Variants in PTPRM observed in about 807,000 individuals in gnomAD.
PTPRM encodes the protein protein tyrosine phosphatase receptor type M, also known as receptor-type tyrosine-protein phosphatase mu.
Under a neutral mutation model 186.7 loss-of-function variants are expected in PTPRM, and 47 were observed. That is an observed-to-expected ratio of 0.25 (90% CI 0.20 to 0.32). PTPRM has a LOEUF of 0.32. Ranked by LOEUF, PTPRM falls within the 10% of genes least tolerant of loss-of-function variation. The probability of loss-of-function intolerance (pLI) is 1.00; values close to 1 mark genes in which losing one functional copy is unlikely to be tolerated. For missense variants in PTPRM, 1,494 were observed against 1,865.0 expected, an observed-to-expected ratio of 0.80 and a Z score of 3.66; for synonymous variants, 668 against 674.9, an observed-to-expected ratio of 0.99 and a Z score of 0.16.
At chr18:8,127,558 G>A (rs512522) in intron 13 of PTPRM, among the ~76,000 whole-genome samples, 104,859 of 151,808 alleles carry the variant, frequency 0.69, 37,994 homozygotes, top group East Asian at 0.89. Flanking sequence ...CTGCAGTCAG[G>A]GTGAATGTGG....
chr18:7,597,034 T>C (rs1027880339), intron 1 of PTPRM, among the ~76,000 whole-genome samples: 1 of 152,146 alleles, frequency 6.6e-6, no homozygotes, highest in African/African-American at 2.4e-5. Flanking sequence ...TTGTATTTTT[T>C]AGTAGAGACT....
At chr18:8,091,254 C>A (rs143911569) in intron 11 of PTPRM, among the ~76,000 whole-genome samples, 1 of 152,152 alleles carries the variant, frequency 6.6e-6, no homozygotes, top group East Asian at 1.9e-4. Flanking sequence ...CATAACATCC[C>A]GGTTTCCAAG....
intron 7 of PTPRM, among the ~76,000 whole-genome samples, chr18:8,059,510 A>C (rs1355558832): frequency 3.3e-4 from 7 of 21,410 alleles, no homozygotes; most frequent in African/African-American, 1.1e-3. Context: ...GAGCGGTGAG[A>C]GAGGGCATCC....
intron 1 of PTPRM, among the ~76,000 whole-genome samples, chr18:7,712,191 A>G (rs546156206): frequency 6.6e-6 from 1 of 152,310 alleles, no homozygotes; most frequent in Non-Finnish European, 1.5e-5. Context: ...ACTGTTCCGT[A>G]GCCTCTGCTG....
intron 13 of PTPRM, among the ~76,000 whole-genome samples, chr18:8,120,828 C>T (rs1312406037): frequency 6.6e-6 from 1 of 152,060 alleles, no homozygotes; most frequent in Non-Finnish European, 1.5e-5. Flanking sequence ...TTTCATTTTT[C>T]TCAAAAGGAG....
chr18:7,615,182 C>T (rs1280358003), intron 1 of PTPRM, among the ~76,000 whole-genome samples: 2 of 152,050 alleles, frequency 1.3e-5, no homozygotes, highest in African/African-American at 4.8e-5. Flanking sequence ...AAACAAAAAC[C>T]TCATCATTTA....
In PTPRM at chr18:8,126,019, A is replaced by ATTTT. The variant is rs1446326423; in HGVS notation, c.2167+11193_2167+11194insTTTT. The stretch of plus-strand genomic sequence containing the variant: ...TATATATATATATATATATATATAT[A>ATTTT]TATATATATTTTAAATCAGTAGACC... On this transcript the variant is annotated intron_variant, in intron 13 of 32. Coordinates refer to ENST00000580170, the MANE Select transcript of PTPRM (RefSeq NM_001105244.2). Among the ~76,000 whole-genome samples, 92 of 31,864 alleles carry ATTTT rather than the reference A, an allele frequency of 2.9e-3. 5 individuals carry two copies. Among genetic ancestry groups the ATTTT allele is most frequent in the South Asian group, 6.7e-3 (5 of 750 alleles). 20.9% of individuals were successfully genotyped at this position (31,864 alleles called of 152,430 possible). A position where few individuals can be genotyped will look rare whatever the true frequency, so the allele number is the denominator to read the frequency against.
chr18:7,866,386 G>A (rs76441873), intron 2 of PTPRM, among the ~76,000 whole-genome samples: 5 of 152,130 alleles, frequency 3.3e-5, no homozygotes. Context: ...GGTATGTTGT[G>A]TCTGTGTTCT....
chr18:7,599,141 A>G (rs1251202971), intron 1 of PTPRM, among the ~76,000 whole-genome samples: 1 of 152,170 alleles, frequency 6.6e-6, no homozygotes, highest in African/African-American at 2.4e-5. Flanking sequence ...TTCAGTCACT[A>G]CTGAGGTTTT....
In PTPRM at chr18:7,668,831, A is replaced by G. The variant is rs1193493703; in HGVS notation, c.73+100940A>G. On this transcript the variant is annotated intron_variant, in intron 1 of 32. Coordinates refer to ENST00000580170, the MANE Select transcript of PTPRM (RefSeq NM_001105244.2). This position sits in a 1 kb window ranked among gnomAD's most constrained non-coding sequence, Gnocchi z 4.7. ...CCCTGAGCTGTTTTTATTTCTGCTT[A>G]GTCACCACCTTCTAGAATACTATAT... 6.6e-6 allele frequency among the ~76,000 whole-genome samples: 1 copy of G among 152,182 alleles called. No individual in the cohort carries two copies. The highest frequency in any genetic ancestry group is 1.5e-5 in the Non-Finnish European group (1 of 68,042).
intron 1 of PTPRM, among the ~76,000 whole-genome samples, chr18:7,628,952 A>G (rs529019289): frequency 1.3e-5 from 2 of 152,326 alleles, no homozygotes; most frequent in South Asian, 4.1e-4. Context: ...GCTCATCTCC[A>G]TCTACGTGAT....
At chr18:7,981,570 G>A (rs1371339887) in intron 7 of PTPRM, among the ~76,000 whole-genome samples, 1 of 152,072 alleles carries the variant, frequency 6.6e-6, no homozygotes, top group Non-Finnish European at 1.5e-5. Context: ...TCCCATACTT[G>A]CCCCGGAGGA....
At chr18:7,704,519 T>C (rs1034883753) in intron 1 of PTPRM, among the ~76,000 whole-genome samples, 3 of 152,276 alleles carry the variant, frequency 2.0e-5, no homozygotes, top group South Asian at 2.1e-4. Flanking sequence ...AGGGGTGATA[T>C]TCGCTTTATC....
At chr18:7,837,096 C>G (rs974999494) in intron 2 of PTPRM, among the ~76,000 whole-genome samples, 1 of 152,120 alleles carries the variant, frequency 6.6e-6, no homozygotes, top group Non-Finnish European at 1.5e-5. Context: ...CTTTCTCTAC[C>G]TCTTCTTTAA....
chr18:8,085,153 T>G (rs970931710), intron 9 of PTPRM, among the ~76,000 whole-genome samples: 1 of 152,054 alleles, frequency 6.6e-6, no homozygotes. Context: ...ATCACTCTAT[T>G]TGTAGCATCA....
At chr18:8,269,834 G>A (rs1002602711) in intron 19 of PTPRM, among the ~76,000 whole-genome samples, 22 of 152,002 alleles carry the variant, frequency 1.4e-4, no homozygotes, top group Admixed American at 4.6e-4. Context: ...ATATGCACAT[G>A]CAAAAGAATG....
chr18:7,626,357 A>C (rs1179282846), intron 1 of PTPRM, among the ~76,000 whole-genome samples: 2 of 152,224 alleles, frequency 1.3e-5, no homozygotes, highest in Non-Finnish European at 2.9e-5. Flanking sequence ...CAGACTCCAT[A>C]GAGTACAGCC....
rs182067748 is a variant in PTPRM, at chr18:8,150,437, C to T, written c.2300+6658C>T. Reference sequence around the variant, plus strand: ...CATCCTTTTTTCTGCTTGATTGATTCGGCTATTGATACTTGTGTATGCTTC... The same window carrying T: ...CATCCTTTTTTCTGCTTGATTGATTTGGCTATTGATACTTGTGTATGCTTC... On this transcript the variant is annotated intron_variant, in intron 14 of 32. Coordinates refer to ENST00000580170, the MANE Select transcript of PTPRM (RefSeq NM_001105244.2). 3.8e-3 allele frequency among the ~76,000 whole-genome samples: 574 copies of T among 152,036 alleles called. 4 individuals carry two copies. The highest frequency in any genetic ancestry group is 0.013 in the African/African-American group (527 of 41,458).
intron 8 of PTPRM, among the ~76,000 whole-genome samples, chr18:8,074,029 G>A (rs506248): frequency 0.65 from 98,619 of 152,052 alleles, 32,255 homozygotes; most frequent in African/African-American, 0.72. Flanking sequence ...GTCAGAACCC[G>A]GGCCTCCCAT....
Sources: gnomAD v4.1 joint callset for allele counts (sites outside exome capture counted in the v4.1 genomes callset) on GRCh38, gnomAD v4.1.1 for gene constraint, Gnocchi (gnomAD v3.1) non-coding constraint, MANE v1.5 for transcripts, NCBI Gene and HGNC (gene_info 2026-07-23, HGNC 2026-07-21) for gene names.